The following RAD50 variants were observed in gnomAD, a reference collection of about 807,000 sequenced individuals.
RAD50 encodes DNA repair protein RAD50.
RAD50 carries 132 observed loss-of-function variants against 168.8 expected under a neutral mutation model. That is an observed-to-expected ratio of 0.78 (90% confidence interval 0.68 to 0.90). The LOEUF is 0.90. Among genes scored for constraint, RAD50 ranks in the 40% least tolerant of loss-of-function variants. RAD50 has a pLI of 0.00. For missense variants in RAD50, 1,347 were observed against 1,534.4 expected (o/e 0.88, Z 2.04); for synonymous variants, 525 against 497.4 (o/e 1.06, Z -0.74).
intron 24 of RAD50, 129 bp downstream of exon 24, chr5:132,640,934 G>C: frequency 6.6e-7 from 1 of 1,505,546 alleles, no homozygotes; most frequent in Non-Finnish European, 9.2e-7. Flanking sequence ...CACTTCTTGG[G>C]GAAGCCAGTT....
chr5:132,640,673 T>C lies in RAD50; in HGVS notation c.3620T>C (p.Val1207Ala). ...MRGRCSAGQK[V>A]LASLIIRLAL... Reference sequence around the variant, plus strand: ...TCTCACATAGGGGCTTTTTTCCAGGTATTAGCCTCACTCATCATTCGCCTG... The same window carrying C: ...TCTCACATAGGGGCTTTTTTCCAGGCATTAGCCTCACTCATCATTCGCCTG... The change falls in exon 24 of 25, where the codon GTA becomes GCA. Residue 1207 changes from valine (V) to alanine (A), a missense_variant and splice_region_variant. By Grantham distance (64) the Val-to-Ala change is moderately conservative (BLOSUM62 0). Transcript: ENST00000378823. The C allele has an allele frequency of 1.2e-6, 2 of 1,614,166 alleles. No homozygotes were observed. The highest frequency in any genetic ancestry group is 1.7e-6 in the Non-Finnish European group (2 of 1,180,010).
At position 132,642,284 on chromosome 5, in the gene RAD50, T is replaced by C; in HGVS notation, c.3859T>C (p.Tyr1287His). The change falls in exon 25 of 25, where the codon TAC (tyrosine) becomes CAC (histidine). Residue 1287 changes from tyrosine to histidine, a missense_variant. By Grantham distance (83) the Tyr-to-His change is moderately conservative (BLOSUM62 2). Around this residue, in one of 3 missense-constraint regions of RAD50, gnomAD observed 635 missense variants for 739.2 expected, o/e 0.86. Coordinates refer to ENST00000378823, the MANE Select transcript of RAD50 (RefSeq NM_005732.4). ...LGRSEYVEKF[Y>H]RIKKNIDQCS... ...ACGTTCTGAATATGTGGAGAAATTCTACAGGATTAAAAAGAACATCGATCA... is the reference window on the plus strand; with the variant it reads ...ACGTTCTGAATATGTGGAGAAATTCCACAGGATTAAAAAGAACATCGATCA... 3 of 1,614,064 alleles carry C rather than the reference T, an allele frequency of 1.9e-6. No homozygotes were observed. The highest frequency in any genetic ancestry group is 1.3e-5 in the African/African-American group (1 of 75,066).
chr5:132,573,135 T>A (rs957609838), intron 2 of RAD50, among the ~76,000 whole-genome samples: 6 of 152,202 alleles, frequency 3.9e-5, no homozygotes, highest in African/African-American at 1.4e-4. Flanking sequence ...AATACTGGTG[T>A]TGGGACATCA....
intron 19 of RAD50, among the ~76,000 whole-genome samples, chr5:132,611,390 TCAAACAAA>T (rs199686110): frequency 6.1e-5 from 9 of 147,394 alleles, no homozygotes; most frequent in Admixed American, 4.1e-4. Flanking sequence ...AAACTCCGTC[TCAAACAAA>T]CAAACAAACA....
intron 22 of RAD50, 111 bp downstream of exon 22, chr5:132,637,311 T>C (rs1179255578): frequency 2.7e-6 from 4 of 1,479,430 alleles, no homozygotes; most frequent in Non-Finnish European, 3.6e-6. Context: ...TTTCTAAGCA[T>C]GTCTTTGAGA....
chr5:132,610,278 A>G (rs961487241), intron 19 of RAD50, among the ~76,000 whole-genome samples: 10 of 152,264 alleles, frequency 6.6e-5, no homozygotes, highest in Middle Eastern at 3.4e-3. Flanking sequence ...TCTTATTCTA[A>G]CATATCTTTA....
chr5:132,597,849 CAG>C (rs1289257357), intron 13 of RAD50, among the ~76,000 whole-genome samples: 9 of 151,956 alleles, frequency 5.9e-5, no homozygotes, highest in Admixed American at 2.0e-4. Flanking sequence ...GATGAGGAGA[CAG>C]AGGCAGTAGT....
At position 132,594,875 on chromosome 5, in the gene RAD50, A is replaced by G. The variant is rs2149843650; in HGVS notation, c.1800A>G (p.Glu600=). The change falls in exon 12 of 25, where the codon GAA becomes GAG. Residue 600 remains glutamate, a synonymous_variant. Transcript: ENST00000378823. ...TRDRLAKLNK[E]LASSEQNKNH... ...ATATTTGCTCTTATTTTAGCAAGGA[A>G]CTAGCTTCATCTGAGCAGAATAAAA... is the stretch of plus-strand genomic sequence containing the variant. The G allele has an allele frequency of 6.2e-7, 1 of 1,601,376 alleles. No homozygotes were observed. Among genetic ancestry groups the G allele is most frequent in the Non-Finnish European group, 8.6e-7 (1 of 1,168,598 alleles).
At chr5:132,605,136 C>T in intron 16 of RAD50, 137 bp downstream of exon 16, 1 of 576,582 alleles carries the variant, frequency 1.7e-6, no homozygotes, top group Non-Finnish European at 2.8e-6. Flanking sequence ...CCTCCATCTC[C>T]TGGGTTCAAG....
chr5:132,621,029 G>GACCC (rs915089920), intron 21 of RAD50, among the ~76,000 whole-genome samples: 25 of 152,072 alleles, frequency 1.6e-4, no homozygotes, highest in African/African-American at 5.8e-4. Flanking sequence ...CATAAACATA[G>GACCC]ACCCACATGG....
chr5:132,579,916 A>G lies in RAD50; in HGVS notation c.606A>G (p.Lys202=). 1 of 1,612,854 alleles carries G rather than the reference A, an allele frequency of 6.2e-7. No homozygotes were observed. Among genetic ancestry groups the G allele is most frequent in the South Asian group, 1.1e-5 (1 of 91,060 alleles). Residue 202 remains lysine, a synonymous_variant, in exon 5 of 25, where the codon AAA becomes AAG. Coordinates refer to ENST00000378823, the MANE Select transcript of RAD50 (RefSeq NM_005732.4). ...LRQVRQTQGQ[K]VKEYQMELKY... ...AGGTACGTCAGACACAAGGTCAGAA[A>G]GTAAAAGAATATCAAATGGAACTAA... is the stretch of plus-strand genomic sequence containing the variant.
chr5:132,562,540 A>G (rs986102754), intron 2 of RAD50, among the ~76,000 whole-genome samples: 3 of 152,278 alleles, frequency 2.0e-5, no homozygotes, highest in Non-Finnish European at 4.4e-5. Context: ...GAACAACTGG[A>G]TAAAATAGTT....
intron 13 of RAD50, among the ~76,000 whole-genome samples, chr5:132,598,251 A>G (rs1750826673): frequency 6.6e-6 from 1 of 151,582 alleles, no homozygotes; most frequent in Admixed American, 6.6e-5. Flanking sequence ...GGGTTTCACC[A>G]TGTTGGCCAG....
chr5:132,624,781 T>C (rs2149856812), intron 21 of RAD50, among the ~76,000 whole-genome samples: 1 of 146,008 alleles, frequency 6.8e-6, no homozygotes, highest in East Asian at 2.1e-4. Flanking sequence ...ACACCTGTAA[T>C]CCCAGCTACT....
chr5:132,601,797 A>G (rs531789801), intron 13 of RAD50, among the ~76,000 whole-genome samples: 6 of 152,326 alleles, frequency 3.9e-5, no homozygotes, highest in African/African-American at 1.4e-4. Flanking sequence ...CTATGCAGCC[A>G]TATAAAAGGA....
At chr5:132,604,627 A>G (rs563612704) in intron 15 of RAD50, among the ~76,000 whole-genome samples, 179 bp from the exon 16 acceptor site, 39 of 152,286 alleles carry the variant, frequency 2.6e-4, no homozygotes, top group Admixed American at 1.4e-3. Context: ...AGTGGCCAGC[A>G]GGGAACATCA....
At chr5:132,585,389 T>C (rs574400096) in intron 5 of RAD50, among the ~76,000 whole-genome samples, 43 of 152,268 alleles carry the variant, frequency 2.8e-4, no homozygotes, top group African/African-American at 8.9e-4. Context: ...TAGTGTCTCA[T>C]TGTGACATTG....
intron 2 of RAD50, among the ~76,000 whole-genome samples, chr5:132,565,724 G>A (rs992908002): frequency 1.3e-5 from 2 of 152,052 alleles, no homozygotes; most frequent in African/African-American, 2.4e-5. Flanking sequence ...CCCCCTAGCC[G>A]ACTTAACCCT....
At chr5:132,586,156 T>C (rs914084269) in intron 5 of RAD50, among the ~76,000 whole-genome samples, 3 of 150,662 alleles carry the variant, frequency 2.0e-5, no homozygotes, top group African/African-American at 7.5e-5. Context: ...TTCAGAATCT[T>C]AATATGATAT....
Sources: allele counts gnomAD v4.1 joint callset (sites outside exome capture counted in the v4.1 genomes callset), GRCh38; gene constraint gnomAD v4.1.1; regional missense constraint gnomAD v4.1.1; transcripts MANE v1.5; gene names NCBI Gene and HGNC (gene_info 2026-07-23, HGNC 2026-07-21).